UBA7: variants seen among roughly 807,000 people sequenced by gnomAD.
The protein encoded by UBA7 is ubiquitin like modifier activating enzyme 7.
UBA7 carries 88 observed loss-of-function variants against 113.0 expected under a neutral mutation model. That is an observed-to-expected ratio of 0.78 (90% CI 0.66 to 0.93). UBA7 has a LOEUF of 0.93. UBA7 is among the 40% of genes least tolerant of loss of function. The pLI is 0.00. For synonymous variants in UBA7, 459 were observed against 513.0 expected (o/e 0.89, Z 1.42); for missense variants, 1,092 against 1,266.4 (o/e 0.86, Z 2.09).
At position 49,813,060 on chromosome 3, in the gene UBA7, A is replaced by G. The variant is rs144136700; in HGVS notation, c.467+2T>C. On this transcript the variant is annotated splice_donor_variant, in intron 4 of 23. Transcript: ENST00000333486. LOFTEE classifies it high-confidence loss of function. The stretch of plus-strand genomic sequence containing the variant: ...GTAGGCTGGGCAGGCAGTCTTACTC[A>G]CCCCACGAGGCCCCGGGTGTCAGCC... The G allele has an allele frequency of 3.7e-5, 60 of 1,612,172 alleles. 1 individual carries two copies. In the African/African-American group the frequency reaches 6.3e-4, roughly 17 times the overall value.
chr3:49,809,861 CA>C lies in UBA7; in HGVS notation c.1857del (p.Phe619LeufsTer34). ...TCTGCAGACAGTCGGAAGAGTTCTT[CA>C]AACTCATGCCGGGCCCACTGTGGAG... ...EHTLQWARHEFEELFRLSAET... is the reference protein window; with the variant it reads ...EHTLQWARHEXEELFRLSAET... On this transcript the variant is annotated frameshift_variant, in exon 15 of 24. Transcript: ENST00000333486. LOFTEE classifies it high-confidence loss of function. 2 of 1,614,142 alleles carry C rather than the reference CA, an allele frequency of 1.2e-6. No individual in the cohort carries two copies. The highest frequency in any genetic ancestry group is 1.7e-6 in the Non-Finnish European group (2 of 1,180,032).
In UBA7 at chr3:49,810,436, G is replaced by C; in HGVS notation, c.1468-8C>G. ...CACCTCTGCCTTGGGTCTCTGGGAA[G>C]AAGGCAGGAAGATGTTGGGTGGGAA... On this transcript the variant is annotated splice_polypyrimidine_tract_variant and splice_region_variant and intron_variant, in intron 12 of 23. Coordinates refer to ENST00000333486, the MANE Select transcript of UBA7 (RefSeq NM_003335.3). This position sits in a 1 kb window ranked among gnomAD's most constrained non-coding sequence, Gnocchi z 5.6. The C allele has an allele frequency of 6.2e-7, 1 of 1,614,090 alleles. No homozygotes were observed.
At chr3:49,813,428 G>T in intron 2 of UBA7, 45 bp from the exon 3 acceptor site, 1 of 1,609,404 alleles carries the variant, frequency 6.2e-7, no homozygotes, top group South Asian at 1.1e-5. Flanking sequence ...ACTCCTCTTG[G>T]GCCGTGCCCC....
At chr3:49,809,948 TG>T in intron 14 of UBA7, 29 bp downstream of exon 14, 1 of 1,613,750 alleles carries the variant, frequency 6.2e-7, no homozygotes, top group Non-Finnish European at 8.5e-7. Flanking sequence ...CTGAGCTGGG[TG>T]GGGTGGGAGT....
Position 49,810,538 on chromosome 3 carries a change from G to A in UBA7, c.1446C>T (p.Leu482=). 2.5e-6 allele frequency: 4 copies of A among 1,614,156 alleles called. No individual in the cohort carries two copies. Among genetic ancestry groups the A allele is most frequent in the Non-Finnish European group, 3.4e-6 (4 of 1,180,016 alleles). Residue 482 remains leucine, a synonymous_variant, in exon 12 of 24, where the codon CTC becomes CTT. Coordinates refer to ENST00000333486, the MANE Select transcript of UBA7 (RefSeq NM_003335.3). The surrounding 1 kb of genome is among the most constrained non-coding windows in gnomAD (Gnocchi z 5.6). ...TCACACCAACGTCCTGGGACCTGAA[G>A]AGGAACTGACGGCTGAGATTGGAGC... ...IERSNLSRQF[L]FRSQDVGRPK...
In UBA7 at chr3:49,813,086, G is replaced by T. The variant is rs190255353; in HGVS notation, c.443C>A (p.Ala148Glu). The T allele has an allele frequency of 1.2e-6, 2 of 1,613,844 alleles. No individual in the cohort carries two copies. Among genetic ancestry groups the T allele is most frequent in the African/African-American group, 2.7e-5 (2 of 75,026 alleles). The part of the protein sequence containing the change: ...LCHKHGVCFL[A>E]ADTRGLVGQL... ...CCCCACGAGGCCCCGGGTGTCAGCCGCCAGAAAGCAAACTCCATGCTTATG... is the reference window on the plus strand; with the variant it reads ...CCCCACGAGGCCCCGGGTGTCAGCCTCCAGAAAGCAAACTCCATGCTTATG... Residue 148 changes from alanine (A) to glutamate (E), a missense_variant, in exon 4 of 24, where the codon GCG (alanine) becomes GAG (glutamate). By Grantham distance (107) the Ala-to-Glu change is moderately radical. This residue lies in a region of UBA7 where 584 missense variants were observed against 714.5 expected (regional missense o/e 0.82). Coordinates refer to ENST00000333486, the MANE Select transcript of UBA7 (RefSeq NM_003335.3).
intron 21 of UBA7, 162 bp from the exon 22 acceptor site, chr3:49,806,327 C>T (rs2081452154): frequency 1.6e-6 from 1 of 641,834 alleles, no homozygotes; most frequent in Non-Finnish European, 2.7e-6. Context: ...AGTCTCAGCC[C>T]CCTCCCCGTC....
chr3:49,810,036 G>A lies in UBA7; in HGVS notation c.1781C>T (p.Ala594Val). Residue 594 changes from alanine (A) to valine (V), a missense_variant, in exon 14 of 24, where the codon GCC (alanine) becomes GTC (valine). By Grantham distance (64) the Ala-to-Val change is moderately conservative (BLOSUM62 0). Coordinates refer to ENST00000333486, the MANE Select transcript of UBA7 (RefSeq NM_003335.3). The surrounding 1 kb of genome is among the most constrained non-coding windows in gnomAD (Gnocchi z 5.6). ...CCGCACGGTACAGACAGGGTAGGGG[G>A]CATCCTCAGAAGCTGCAGCTGAGGC... The part of the protein sequence containing the change: ...APASAAASED[A>V]PYPVCTVRYF... 1.2e-6 allele frequency: 2 copies of A among 1,613,804 alleles called. No individual in the cohort carries two copies. Among genetic ancestry groups the A allele is most frequent in the Non-Finnish European group, 1.7e-6 (2 of 1,179,992 alleles).
Position 49,810,870 on chromosome 3 carries a change from C to T in UBA7, c.1231-38G>A. 3.7e-6 allele frequency: 6 copies of T among 1,612,908 alleles called. No homozygotes were observed. Among genetic ancestry groups the T allele is most frequent in the Non-Finnish European group, 5.1e-6 (6 of 1,178,930 alleles). On this transcript the variant is annotated intron_variant, in intron 10 of 23. Transcript: ENST00000333486. The surrounding 1 kb of genome is among the most constrained non-coding windows in gnomAD (Gnocchi z 5.6). ...GACGGGGTCAGTGATGGCTACTGGC[C>T]TGCATCTCCTTCTTATACTGAGTTT...
chr3:49,811,566 C>A, intron 8 of UBA7, 111 bp from the exon 9 acceptor site: 1 of 1,461,782 alleles, frequency 6.8e-7, no homozygotes, highest in Non-Finnish European at 9.2e-7. Context: ...GAAGCAGAAG[C>A]CTGGGTGGGA....
chr3:49,807,619 G>A lies in UBA7; in HGVS notation c.2715+117C>T. The A allele has an allele frequency of 1.5e-6, 2 of 1,324,742 alleles. No homozygotes were observed. Among genetic ancestry groups the A allele is most frequent in the South Asian group, 1.5e-5 (1 of 65,454 alleles). 82.1% of individuals were successfully genotyped at this position (1,324,742 alleles called of 1,614,324 possible). Reference sequence around the variant, plus strand: ...GGAAGAGGGCTGGAGGGAGTCTTCAGGACTTCTGCACAGTCTGAGTTTCAG... The same window carrying A: ...GGAAGAGGGCTGGAGGGAGTCTTCAAGACTTCTGCACAGTCTGAGTTTCAG... On this transcript the variant is annotated intron_variant, in intron 21 of 23. Transcript: ENST00000333486. This position sits in a 1 kb window ranked among gnomAD's most constrained non-coding sequence, Gnocchi z 4.0.
chr3:49,805,566 C>T, intron 23 of UBA7, 129 bp from the exon 24 acceptor site: 1 of 842,022 alleles, frequency 1.2e-6, no homozygotes, highest in South Asian at 1.5e-5. Flanking sequence ...CTGCTCAAGA[C>T]AGGAAACATC....
intron 4 of UBA7, 41 bp from the exon 5 acceptor site, chr3:49,812,779 T>C: frequency 6.2e-7 from 1 of 1,607,182 alleles, no homozygotes; most frequent in Non-Finnish European, 8.5e-7. Flanking sequence ...GGCTTACAGA[T>C]TGTACTTAAG....
rs1029108697 is a variant in UBA7 at position 49,812,108 on chromosome 3, C to T, written c.792+1G>A. ...CCTACCTCAGATGCACTTGCACTCA[C>T]ATGTCTCACAGTCTTGGGTCTCTTG... is the stretch of plus-strand genomic sequence containing the variant. On this transcript the variant is annotated splice_donor_variant, in intron 7 of 23. Transcript: ENST00000333486. LOFTEE classifies it high-confidence loss of function. The T allele has an allele frequency of 1.2e-6, 2 of 1,614,114 alleles. No homozygotes were observed. The highest frequency in any genetic ancestry group is 1.7e-6 in the Non-Finnish European group (2 of 1,180,052).
At chr3:49,811,485 C>T in intron 8 of UBA7, 30 bp from the exon 9 acceptor site, 1 of 1,553,744 alleles carries the variant, frequency 6.4e-7, no homozygotes, top group Non-Finnish European at 8.7e-7. Context: ...GGCATAGTAG[C>T]CCCAGCCTGA....
At chr3:49,808,606 A>C in intron 18 of UBA7, 138 bp from the exon 19 acceptor site, 1 of 926,038 alleles carries the variant, frequency 1.1e-6, no homozygotes, top group Non-Finnish European at 1.6e-6. Context: ...CCCTTAATTA[A>C]TGCTACAATC....
rs1034343948 is a variant in UBA7, at chr3:49,811,762, C to T, written c.939+108G>A. The T allele has an allele frequency of 4.6e-6, 7 of 1,536,710 alleles. No homozygotes were observed. The African/African-American group carries it at 9.6e-5, about 21-fold the overall frequency. On this transcript the variant is annotated intron_variant, in intron 8 of 23. Transcript: ENST00000333486. ...GAACCAGTCTCTACTCTAAAGGCTG[C>T]AGTGTTGGGAGATCAGACTTGGATT...
rs1294626979 is a variant in UBA7 at position 49,809,116 on chromosome 3, G to C, written c.2207C>G (p.Ala736Gly). The C allele has an allele frequency of 6.2e-7, 1 of 1,613,328 alleles. No homozygotes were observed. The highest frequency in any genetic ancestry group is 8.5e-7 in the Non-Finnish European group (1 of 1,179,796). ...LYVLAAANLYAQMHGLPGSQD... is the reference protein window; with the variant it reads ...LYVLAAANLYGQMHGLPGSQD... ...TGAGCCAGGCAGCCCATGCATCTGGGCATACAGGTTGGCAGCTGCCAGTAC... is the reference window on the plus strand; with the variant it reads ...TGAGCCAGGCAGCCCATGCATCTGGCCATACAGGTTGGCAGCTGCCAGTAC... The change falls in exon 18 of 24, where the codon GCC (alanine) becomes GGC (glycine). Residue 736 changes from alanine (A) to glycine (G), a missense_variant. By Grantham distance (60) the Ala-to-Gly change is moderately conservative. This residue lies in a region of UBA7 where 500 missense variants were observed against 529.3 expected (regional missense o/e 0.94). Coordinates refer to ENST00000333486, the MANE Select transcript of UBA7 (RefSeq NM_003335.3).
chr3:49,812,932 G>C (rs2081572514), intron 4 of UBA7, 130 bp downstream of exon 4: 4 of 1,232,228 alleles, frequency 3.2e-6, no homozygotes, highest in Non-Finnish European at 4.6e-6. Flanking sequence ...CTGGGGACCA[G>C]AATCAGAAAG....
Sources: gnomAD v4.1 joint callset for allele counts on GRCh38, gnomAD v4.1.1 for gene constraint, gnomAD v4.1.1 regional missense constraint, Gnocchi (gnomAD v3.1) non-coding constraint, MANE v1.5 for transcripts, NCBI Gene and HGNC (gene_info 2026-07-23, HGNC 2026-07-21) for gene names.